TYW1B: variants seen among roughly 807,000 people sequenced by gnomAD.
The protein encoded by TYW1B is S-adenosyl-L-methionine-dependent tRNA 4-demethylwyosine synthase TYW1B.
In TYW1B, 73 loss-of-function variants were observed where a neutral mutation model predicts 86.9. The ratio of observed to expected loss-of-function variants is 0.84; its 90% confidence interval spans 0.70 to 1.02. TYW1B has a LOEUF of 1.02. TYW1B is among the 50% of genes least tolerant of loss of function. TYW1B has a pLI of 0.00. For missense variants in TYW1B, 637 were observed against 827.4 expected (o/e 0.77, Z 2.82); for synonymous variants, 248 against 292.8 (o/e 0.85, Z 1.56).
chr7:72,789,939 C>CTT (rs67405029), intron 6 of TYW1B, among the ~76,000 whole-genome samples: 1,540 of 69,186 alleles, frequency 0.022, 64 homozygotes, highest in African/African-American at 0.06. Flanking sequence ...ATAGGATTAT[C>CTT]TTTTTTTTTT....
At chr7:72,694,060 A>C (rs1814244946) in intron 11 of TYW1B, among the ~76,000 whole-genome samples, 1 of 152,118 alleles carries the variant, frequency 6.6e-6, no homozygotes, top group Admixed American at 6.5e-5. Flanking sequence ...TCCCAGGTTC[A>C]AGTGATTCTC....
chr7:72,646,902 G>A (rs1422888286), intron 11 of TYW1B, among the ~76,000 whole-genome samples: 1 of 152,152 alleles, frequency 6.6e-6, no homozygotes, highest in African/African-American at 2.4e-5. Flanking sequence ...ACAATAAAAA[G>A]TTTAAAAATA....
chr7:72,768,240 CAA>C (rs34109354), intron 7 of TYW1B, among the ~76,000 whole-genome samples: 5 of 141,780 alleles, frequency 3.5e-5, no homozygotes, highest in Admixed American at 1.4e-4. Flanking sequence ...GACCCTACCT[CAA>C]AAAAAAAAAA....
At chr7:72,652,631 C>A (rs530353170) in intron 11 of TYW1B, among the ~76,000 whole-genome samples, 6 of 152,024 alleles carry the variant, frequency 3.9e-5, no homozygotes, top group Non-Finnish European at 8.8e-5. Flanking sequence ...GTGAGTTGAA[C>A]TTACAGAAAG....
chr7:72,767,152 C>T (rs1787784623), intron 7 of TYW1B, among the ~76,000 whole-genome samples: 1 of 152,078 alleles, frequency 6.6e-6, no homozygotes, highest in South Asian at 2.1e-4. Context: ...TGCACAAAGG[C>T]TACCACAACC....
intron 11 of TYW1B, among the ~76,000 whole-genome samples, chr7:72,648,436 G>A (rs1426666539): frequency 2.6e-5 from 4 of 151,618 alleles, no homozygotes; most frequent in Admixed American, 6.6e-5. Context: ...TCAGCTACTC[G>A]GAAGGCTGAG....
chr7:72,741,458 C>G (rs1787302863), intron 8 of TYW1B, among the ~76,000 whole-genome samples: 1 of 152,072 alleles, frequency 6.6e-6, no homozygotes, highest in Admixed American at 6.5e-5. Context: ...GAAAATTGAA[C>G]AGAGTCTTAG....
At chr7:72,631,942 T>C (rs1812501871) in intron 11 of TYW1B, among the ~76,000 whole-genome samples, 1 of 152,126 alleles carries the variant, frequency 6.6e-6, no homozygotes, top group Non-Finnish European at 1.5e-5. Flanking sequence ...AGCTATTATA[T>C]GCCAGCAATC....
chr7:72,613,401 CTTTTTTTTTTTTTTT>C (rs71517349), intron 13 of TYW1B, among the ~76,000 whole-genome samples: 15 of 80,966 alleles, frequency 1.9e-4, no homozygotes, highest in African/African-American at 7.4e-4. Context: ...TTTATATCTT[CTTTTTTTTTTTTTTT>C]TTTTTTTTTG....
At chr7:72,810,714 T>G (rs1788594210) in intron 3 of TYW1B, 49 bp from the exon 4 acceptor site, 1 of 1,539,438 alleles carries the variant, frequency 6.5e-7, no homozygotes, top group Non-Finnish European at 8.8e-7. Context: ...GCATAAATTA[T>G]CTCAACGAAG....
chr7:72,645,530 G>A (rs1488759135), intron 11 of TYW1B, among the ~76,000 whole-genome samples: 1 of 152,124 alleles, frequency 6.6e-6, no homozygotes, highest in Non-Finnish European at 1.5e-5. Flanking sequence ...CAACCAGGAT[G>A]CAATGTGAAT....
chr7:72,681,991 C>T (rs1318156318), intron 11 of TYW1B, among the ~76,000 whole-genome samples: 28 of 151,994 alleles, frequency 1.8e-4, no homozygotes, highest in Admixed American at 1.8e-3. Context: ...GATTCTCCTG[C>T]CTCAGCCTCC....
At chr7:72,813,965 A>C (rs1322086559) in intron 3 of TYW1B, among the ~76,000 whole-genome samples, 6 of 151,752 alleles carry the variant, frequency 4.0e-5, no homozygotes, top group Admixed American at 2.0e-4. Flanking sequence ...CAGTGAGCCA[A>C]GATCACACCA....
intron 6 of TYW1B, among the ~76,000 whole-genome samples, chr7:72,798,518 T>C (rs1178497774): frequency 2.0e-5 from 3 of 152,180 alleles, no homozygotes; most frequent in African/African-American, 4.8e-5. Context: ...TGTGTGGATA[T>C]ACCATGCTTT....
At chr7:72,774,209 C>T (rs1787913948) in intron 7 of TYW1B, among the ~76,000 whole-genome samples, 1 of 151,930 alleles carries the variant, frequency 6.6e-6, no homozygotes, top group Admixed American at 6.6e-5. Flanking sequence ...GCCAGTCAGA[C>T]TAGAAATCTA....
At chr7:72,708,443 T>C (rs186088456) in intron 10 of TYW1B, among the ~76,000 whole-genome samples, 3 of 152,318 alleles carry the variant, frequency 2.0e-5, no homozygotes, top group African/African-American at 7.2e-5. Flanking sequence ...CTGCCCTTCT[T>C]GTTTCTCTCT....
chr7:72,590,701 G>A (rs1350370888), intron 13 of TYW1B, among the ~76,000 whole-genome samples: 1 of 152,118 alleles, frequency 6.6e-6, no homozygotes, highest in East Asian at 1.9e-4. Flanking sequence ...CAAAACTCCA[G>A]AAAACACTGA....
Position 72,713,047 on chromosome 7 carries a change from C to T in TYW1B, c.1370+574G>A, listed in dbSNP as rs1175111065. ...GGCGCAGTGGCTCACACCTGTAATG[C>T]CAGCACTTTCAGAGGCTGAGGCGGG... On this transcript the variant is annotated intron_variant, in intron 10 of 13. Coordinates refer to ENST00000620995, the MANE Select transcript of TYW1B (RefSeq NM_001145440.3). 5.3e-5 allele frequency among the ~76,000 whole-genome samples: 8 copies of T among 152,038 alleles called. No homozygotes were observed. In the East Asian group the frequency reaches 1.5e-3, roughly 29 times the overall value.
At chr7:72,715,614 G>A (rs1786765128) in intron 9 of TYW1B, among the ~76,000 whole-genome samples, 1 of 151,836 alleles carries the variant, frequency 6.6e-6, no homozygotes, top group Non-Finnish European at 1.5e-5. Context: ...AGAAGGGAGA[G>A]GATCAGGAAA....
Sources: allele counts gnomAD v4.1 joint callset (sites outside exome capture counted in the v4.1 genomes callset), GRCh38; gene constraint gnomAD v4.1.1; transcripts MANE v1.5; gene names NCBI Gene and HGNC (gene_info 2026-07-23, HGNC 2026-07-21).